BAZ2B: variants seen among roughly 807,000 people sequenced by gnomAD.
BAZ2B encodes bromodomain adjacent to zinc finger domain 2B, also known as bromodomain adjacent to zinc finger domain protein 2B.
Under a neutral mutation model 246.0 loss-of-function variants are expected in BAZ2B, and 91 were observed. The observed-to-expected ratio is 0.37, with a 90% CI of 0.31 to 0.44. The LOEUF is 0.44. BAZ2B is among the 20% of genes least tolerant of loss of function. The pLI is 1.00. For missense variants in BAZ2B, 2,332 were observed against 2,533.7 expected, an observed-to-expected ratio of 0.92 and a Z score of 1.71; for synonymous variants, 855 against 860.0, an observed-to-expected ratio of 0.99 and a Z score of 0.10.
intron 30 of BAZ2B, among the ~76,000 whole-genome samples, chr2:159,348,234 T>A (rs1334673137): frequency 6.7e-6 from 1 of 148,662 alleles, no homozygotes; most frequent in African/African-American, 2.5e-5. Flanking sequence ...GCAGGAAGAT[T>A]GCTTGAGCCC....
intron 3 of BAZ2B, among the ~76,000 whole-genome samples, chr2:159,475,250 T>C (rs908472399): frequency 6.6e-6 from 1 of 152,194 alleles, no homozygotes; most frequent in South Asian, 2.1e-4. Context: ...CTTTGTTCTG[T>C]CCTTTCATTG....
intron 2 of BAZ2B, among the ~76,000 whole-genome samples, chr2:159,530,040 A>T (rs2085210848): frequency 6.6e-6 from 1 of 152,202 alleles, no homozygotes; most frequent in Non-Finnish European, 1.5e-5. Context: ...TCTCTTCATC[A>T]AAAACAAATC....
chr2:159,412,900 CTTATGGG>C (rs1414907723), intron 13 of BAZ2B, among the ~76,000 whole-genome samples: 1 of 152,160 alleles, frequency 6.6e-6, no homozygotes, highest in Admixed American at 6.5e-5. Flanking sequence ...ATAGATTGCT[CTTATGGG>C]TTATCAGTTA....
the BAZ2B span, among the ~76,000 whole-genome samples, chr2:159,656,044 A>G: frequency 1.3e-5 from 2 of 152,118 alleles, no homozygotes; most frequent in African/African-American, 4.8e-5. Flanking sequence ...TTTAGAGAGC[A>G]TGTAGCAACT....
chr2:159,543,774 T>C (rs928175324), intron 2 of BAZ2B, among the ~76,000 whole-genome samples: 6 of 152,256 alleles, frequency 3.9e-5, no homozygotes, highest in Non-Finnish European at 7.3e-5. Flanking sequence ...GACCTCATGA[T>C]CCACCTACCT....
intron 20 of BAZ2B, among the ~76,000 whole-genome samples, chr2:159,393,634 G>C (rs2063614010): frequency 6.6e-6 from 1 of 150,680 alleles, no homozygotes; most frequent in South Asian, 2.1e-4. Context: ...GTTTCTTTTT[G>C]CTTAGGACAA....
intron 35 of BAZ2B, 138 bp from the exon 36 acceptor site, chr2:159,325,092 T>TATATATTA (rs1442950460): frequency 4.1e-4 from 1 of 2,432 alleles, no homozygotes; most frequent in African/African-American, 8.3e-4. Context: ...TATATATATA[T>TATATATTA]TATATATATA....
chr2:159,462,245 G>A, intron 3 of BAZ2B: 2 of 566,572 alleles, frequency 3.5e-6, no homozygotes, highest in Non-Finnish European at 6.4e-6. Context: ...AATGCTATAG[G>A]TTCAACAGTA....
chr2:159,544,889 G>T (rs1169230868), intron 2 of BAZ2B, among the ~76,000 whole-genome samples: 4 of 152,086 alleles, frequency 2.6e-5, no homozygotes, highest in African/African-American at 7.2e-5. Flanking sequence ...ATGTAGATAG[G>T]GACAAGGCTA....
At chr2:159,379,320 G>T (rs778544145) in intron 25 of BAZ2B, among the ~76,000 whole-genome samples, 5 of 152,144 alleles carry the variant, frequency 3.3e-5, no homozygotes, top group Non-Finnish European at 5.9e-5. Flanking sequence ...AATGGTGGTT[G>T]CCAGGGGCTG....
the BAZ2B span, among the ~76,000 whole-genome samples, chr2:159,674,163 G>A: frequency 6.6e-6 from 1 of 151,830 alleles, no homozygotes; most frequent in Non-Finnish European, 1.5e-5. Flanking sequence ...AGGCAACATA[G>A]TGAAACCTTG....
chr2:159,350,429 C>G lies in BAZ2B; in HGVS notation c.4214-72G>C, dbSNP rs2058427875. The G allele has an allele frequency of 6.9e-6, 9 of 1,307,992 alleles. No individual in the cohort carries two copies. The South Asian group carries it at 1.5e-4, about 21-fold the overall frequency. The allele number at this position is 1,307,992 out of a possible 1,614,324, so 81.0% of individuals were successfully genotyped here. A position where few individuals can be genotyped will look rare whatever the true frequency, so the allele number is the denominator to read the frequency against. On this transcript the variant is annotated intron_variant, in intron 27 of 36. Transcript: ENST00000392783. Reference sequence around the variant, plus strand: ...CCAATACTGTAATTAAATTTCATTACTCTTTATCAAATTATATGCATAAAT... The same window carrying G: ...CCAATACTGTAATTAAATTTCATTAGTCTTTATCAAATTATATGCATAAAT...
intron 1 of BAZ2B, among the ~76,000 whole-genome samples, chr2:159,572,053 C>A (rs1684153753): frequency 6.6e-6 from 1 of 152,154 alleles, no homozygotes; most frequent in South Asian, 2.1e-4. Context: ...TGTAATTAAA[C>A]CCCCATAAAA....
rs13417010 is a variant in BAZ2B, at chr2:159,439,221, C to T, written c.697-9G>A. On this transcript the variant is annotated splice_polypyrimidine_tract_variant and intron_variant, in intron 6 of 36. Transcript: ENST00000392783. ...GCTTTCTTCCTTGGTTTCTGGATAA[C>T]GACAAGGTAGTTGGCAAGACTTTAT... is the stretch of plus-strand genomic sequence containing the variant. The T allele has an allele frequency of 0.12, 191,217 of 1,604,686 alleles. 12,652 individuals are homozygous for T. Among genetic ancestry groups the T allele is most frequent in the Middle Eastern group, 0.21 (1,258 of 6,016 alleles).
the BAZ2B span, among the ~76,000 whole-genome samples, chr2:159,690,704 C>T: frequency 0.31 from 47,606 of 152,008 alleles, 9,400 homozygotes; most frequent in Admixed American, 0.48. Context: ...AACTGTTCAA[C>T]TCTGCTGGTG....
chr2:159,541,909 A>G (rs1008238181), intron 2 of BAZ2B, among the ~76,000 whole-genome samples: 8 of 152,220 alleles, frequency 5.3e-5, no homozygotes, highest in Non-Finnish European at 7.3e-5. Context: ...AAGGAAACCC[A>G]TAGACAAAAG....
the BAZ2B span, among the ~76,000 whole-genome samples, chr2:159,654,066 T>C: frequency 1.3e-5 from 2 of 152,152 alleles, no homozygotes; most frequent in African/African-American, 2.4e-5. Context: ...CCTGTTATAA[T>C]AGTGGGAATG....
chr2:159,484,684 T>C (rs968026837), intron 2 of BAZ2B, among the ~76,000 whole-genome samples: 27 of 152,184 alleles, frequency 1.8e-4, no homozygotes, highest in East Asian at 3.8e-4. Context: ...ATAGAGTTCA[T>C]GAACACTGAC....
intron 1 of BAZ2B, among the ~76,000 whole-genome samples, chr2:159,566,965 C>T (rs921954968): frequency 1.2e-4 from 19 of 152,110 alleles, no homozygotes; most frequent in African/African-American, 4.1e-4. Flanking sequence ...ATTCAGGGGC[C>T]GGGCGTGGTG....
Sources: allele counts gnomAD v4.1 joint callset (sites outside exome capture counted in the v4.1 genomes callset), GRCh38; gene constraint gnomAD v4.1.1; transcripts MANE v1.5; gene names NCBI Gene and HGNC (gene_info 2026-07-23, HGNC 2026-07-21).